C10orf90: variants seen among roughly 807,000 people sequenced by gnomAD.
The protein encoded by C10orf90 is chromosome 10 open reading frame 90.
A neutral mutation model predicts 62.5 loss-of-function variants in C10orf90; 56 were observed. That is an observed-to-expected ratio of 0.90 (90% CI 0.72 to 1.12). The LOEUF is 1.12. Among genes scored for constraint, C10orf90 ranks in the 50% most tolerant of loss-of-function variants. The pLI, the probability that C10orf90 is intolerant of heterozygous loss-of-function variation, is 0.00. For missense variants in C10orf90, 970 were observed against 880.4 expected, an observed-to-expected ratio of 1.10 and a Z score of -1.29; for synonymous variants, 386 against 340.4, an observed-to-expected ratio of 1.13 and a Z score of -1.47.
At chr10:126,645,107 G>GTT (rs35831822) in intron 2 of C10orf90, among the ~76,000 whole-genome samples, 58,401 of 149,172 alleles carry the variant, frequency 0.39, 12,654 homozygotes, top group Non-Finnish European at 0.47. Flanking sequence ...TCTGGGGACT[G>GTT]TTGTGGGGTG....
chr10:126,461,323 G>C lies in C10orf90; in HGVS notation c.2010+78C>G, dbSNP rs1859958982. ...GGTTTCCAGCCTCAGAGGTGCAAGT[G>C]AGGTTGTGTGCTCACGGACTCCCTA... is the stretch of plus-strand genomic sequence containing the variant. On this transcript the variant is annotated intron_variant, in intron 6 of 9. Coordinates refer to ENST00000488181, the MANE Select transcript of C10orf90 (RefSeq NM_001350921.2). 2.0e-6 allele frequency: 3 copies of C among 1,515,370 alleles called. No individual in the cohort carries two copies. The East Asian group carries it at 6.9e-5, about 35-fold the overall frequency. 93.9% of individuals were successfully genotyped at this position (1,515,370 alleles called of 1,614,324 possible).
intron 4 of C10orf90, among the ~76,000 whole-genome samples, chr10:126,486,891 C>T (rs778358395): frequency 6.6e-6 from 1 of 151,760 alleles, no homozygotes; most frequent in East Asian, 1.9e-4. Context: ...GGCTGTAATC[C>T]CAGGACTTTG....
intron 1 of C10orf90, among the ~76,000 whole-genome samples, chr10:126,666,033 A>G (rs1846620409): frequency 6.6e-6 from 1 of 152,218 alleles, no homozygotes; most frequent in Non-Finnish European, 1.5e-5. Context: ...GACATCAGGT[A>G]GAGTCCTCAG....
At chr10:126,626,115 C>A (rs1421014562) in intron 2 of C10orf90, among the ~76,000 whole-genome samples, 1 of 135,698 alleles carries the variant, frequency 7.4e-6, no homozygotes. Context: ...GGCAACACAG[C>A]GAGATTCCAT....
chr10:126,653,938 T>C (rs1846341071), intron 1 of C10orf90, among the ~76,000 whole-genome samples: 3 of 152,348 alleles, frequency 2.0e-5, no homozygotes, highest in South Asian at 4.1e-4. Flanking sequence ...ACTGGGTACA[T>C]TGTCAATGAG....
intron 2 of C10orf90, among the ~76,000 whole-genome samples, chr10:126,610,542 C>A (rs1845410438): frequency 1.3e-5 from 2 of 152,218 alleles, no homozygotes; most frequent in South Asian, 4.1e-4. Context: ...GCAGATAACA[C>A]TCTGGGAAGG....
At chr10:126,445,458 A>C (rs1858698927) in intron 7 of C10orf90, among the ~76,000 whole-genome samples, 1 of 152,186 alleles carries the variant, frequency 6.6e-6, no homozygotes, top group Non-Finnish European at 1.5e-5. Flanking sequence ...TAAAAACCAC[A>C]ATGTGATACC....
intron 2 of C10orf90, among the ~76,000 whole-genome samples, chr10:126,576,124 A>G (rs1844606428): frequency 6.6e-6 from 1 of 152,178 alleles, no homozygotes; most frequent in Non-Finnish European, 1.5e-5. Context: ...AACAACCAAC[A>G]GAGTGAAAGG....
At chr10:126,656,924 A>T (rs1485134381) in intron 1 of C10orf90, among the ~76,000 whole-genome samples, 1 of 152,252 alleles carries the variant, frequency 6.6e-6, no homozygotes, top group African/African-American at 2.4e-5. Flanking sequence ...CAACAAACAT[A>T]CAACTAGTTC....
chr10:126,429,822 G>A lies in C10orf90; in HGVS notation c.2217C>T (p.Cys739=), dbSNP rs746855149. 7 of 1,613,898 alleles carry A rather than the reference G, an allele frequency of 4.3e-6. No individual in the cohort carries two copies. Among genetic ancestry groups the A allele is most frequent in the Non-Finnish European group, 5.1e-6 (6 of 1,179,942 alleles). ...SDNLFKPKER[C]ISEKEMHMRS... ...GCATATGCATCTCCTTCTCTGAAAT[G>A]CACCGTTCTTTGGGTTTGAACAAGT... Residue 739 remains cysteine (C), a synonymous_variant, in exon 8 of 10, where the codon TGC becomes TGT. Transcript: ENST00000488181.
At chr10:126,469,346 G>C (rs1009477316) in intron 4 of C10orf90, among the ~76,000 whole-genome samples, 1 of 152,232 alleles carries the variant, frequency 6.6e-6, no homozygotes, top group Admixed American at 6.5e-5. Flanking sequence ...GAGGTTTTGG[G>C]TCACAGCTCT....
chr10:126,491,072 T>C (rs748310675), intron 4 of C10orf90, among the ~76,000 whole-genome samples: 43 of 152,218 alleles, frequency 2.8e-4, no homozygotes, highest in Non-Finnish European at 5.1e-4. Flanking sequence ...TCATTTATAC[T>C]AGCATTCAGA....
chr10:126,528,581 C>A (rs1260954340), intron 2 of C10orf90, among the ~76,000 whole-genome samples: 1 of 152,218 alleles, frequency 6.6e-6, no homozygotes, highest in Non-Finnish European at 1.5e-5. Flanking sequence ...GTCAGCAATT[C>A]TGCAGTGGCA....
intron 2 of C10orf90, among the ~76,000 whole-genome samples, chr10:126,573,642 C>T (rs576747402): frequency 3.3e-5 from 5 of 152,258 alleles, no homozygotes; most frequent in African/African-American, 1.2e-4. Context: ...TTTGCCCCTG[C>T]CTTGAATGCT....
At chr10:126,445,692 A>G (rs529588261) in intron 7 of C10orf90, among the ~76,000 whole-genome samples, 1 of 152,166 alleles carries the variant, frequency 6.6e-6, no homozygotes, top group Middle Eastern at 3.4e-3. Flanking sequence ...AGAAGTCATT[A>G]TACAAAAAAG....
In C10orf90 at chr10:126,456,872, T is replaced by C. The variant is rs770098930; in HGVS notation, c.2188+2168A>G. ...GCAGGGAGGGAGGCTGGACACGGGA[T>C]TGACCACTGAGCCTCTAGAAAGTAA... On this transcript the variant is annotated intron_variant, in intron 7 of 9. Transcript: ENST00000488181. The surrounding 1 kb of genome is among the most constrained non-coding windows in gnomAD (Gnocchi z 4.9). Among the ~76,000 whole-genome samples the C allele has an allele frequency of 1.1e-4, 16 of 152,204 alleles. No homozygotes were observed. The highest frequency in any genetic ancestry group is 2.1e-4 in the Non-Finnish European group (14 of 68,018).
In C10orf90 at chr10:126,462,481, G is replaced by A. The variant is rs557069380; in HGVS notation, c.1826-896C>T. On this transcript the variant is annotated intron_variant, in intron 5 of 9. Transcript: ENST00000488181. The stretch of plus-strand genomic sequence containing the variant: ...CCAAAAGTCTCCCTCCCCTTCCCAA[G>A]GCACGACCCATCCCTGCCTCTGCTA... Among the ~76,000 whole-genome samples, 5 of 152,244 alleles carry A rather than the reference G, an allele frequency of 3.3e-5. No homozygotes were observed. In the East Asian group the frequency reaches 7.7e-4, roughly 24 times the overall value.
At chr10:126,585,857 C>A (rs1015923605) in intron 2 of C10orf90, among the ~76,000 whole-genome samples, 2 of 152,154 alleles carry the variant, frequency 1.3e-5, no homozygotes, top group Non-Finnish European at 2.9e-5. Context: ...GCATCATTAC[C>A]CAGGAACTAC....
At chr10:126,445,802 G>GGT (rs1858727095) in intron 7 of C10orf90, among the ~76,000 whole-genome samples, 10 of 73,750 alleles carry the variant, frequency 1.4e-4, no homozygotes, top group East Asian at 1.0e-3. Flanking sequence ...AAGAAACTGT[G>GGT]GTGTATATAT....
Sources: gnomAD v4.1 joint callset for allele counts (sites outside exome capture counted in the v4.1 genomes callset) on GRCh38, gnomAD v4.1.1 for gene constraint, Gnocchi (gnomAD v3.1) non-coding constraint, MANE v1.5 for transcripts, NCBI Gene and HGNC (gene_info 2026-07-23, HGNC 2026-07-21) for gene names.